The following USH2A variants were observed in gnomAD, a reference collection of about 807,000 sequenced individuals.
USH2A encodes the protein Usher syndrome 2A (autosomal recessive, mild).
In USH2A, 443 loss-of-function variants were observed where a neutral mutation model predicts 538.9. That is an observed-to-expected ratio of 0.82 (90% confidence interval 0.76 to 0.89). The LOEUF (loss-of-function observed/expected upper bound fraction) is 0.89, where lower values mean the gene tolerates loss of function less well. Ranked by LOEUF, USH2A falls within the 40% of genes least tolerant of loss-of-function variation. USH2A has a pLI of 0.00. For missense variants in USH2A, 6,633 were observed against 6,324.8 expected (o/e 1.05, Z -1.65); for synonymous variants, 2,413 against 2,273.5 (o/e 1.06, Z -1.75).
intron 30 of USH2A, among the ~76,000 whole-genome samples, chr1:216,052,323 T>C (rs1027683487): frequency 3.0e-4 from 32 of 106,784 alleles, no homozygotes; most frequent in African/African-American, 1.2e-3. Flanking sequence ...GAAACAATAA[T>C]AAGCCCTGAG....
At chr1:216,163,609 T>C (rs530168193) in intron 21 of USH2A, among the ~76,000 whole-genome samples, 1 of 149,806 alleles carries the variant, frequency 6.7e-6, no homozygotes, top group East Asian at 2.0e-4. Context: ...TTTCAGCAAA[T>C]ATCTAAATAT....
intron 32 of USH2A, among the ~76,000 whole-genome samples, chr1:216,011,545 G>A (rs563676281): frequency 3.2e-4 from 49 of 152,130 alleles, no homozygotes; most frequent in Middle Eastern, 3.4e-3. Context: ...TGGTTAGTGC[G>A]GTCAGAATTC....
At chr1:216,180,317 T>C (rs1457467385) in intron 20 of USH2A, among the ~76,000 whole-genome samples, 1 of 152,088 alleles carries the variant, frequency 6.6e-6, no homozygotes, top group Non-Finnish European at 1.5e-5. Flanking sequence ...AAAATGTCTA[T>C]TTGAATAAAA....
chr1:215,790,674 A>G (rs2102770462), intron 50 of USH2A, among the ~76,000 whole-genome samples: 1 of 152,312 alleles, frequency 6.6e-6, no homozygotes, highest in East Asian at 1.9e-4. Flanking sequence ...TAAGGGAGAA[A>G]AGGTCACCCA....
intron 13 of USH2A, among the ~76,000 whole-genome samples, chr1:216,235,362 G>A (rs1344133347): frequency 6.6e-6 from 1 of 152,066 alleles, no homozygotes; most frequent in East Asian, 1.9e-4. Context: ...TCTTAAGCAT[G>A]GTCATTAGGA....
chr1:216,059,573 T>G (rs116003853), intron 30 of USH2A, among the ~76,000 whole-genome samples: 3,027 of 152,300 alleles, frequency 0.02, 97 homozygotes, highest in African/African-American at 0.07. Context: ...AATTTTTGCT[T>G]TTTTACTTTT....
At chr1:216,045,814 A>C (rs2030490083) in intron 32 of USH2A, among the ~76,000 whole-genome samples, 1 of 152,130 alleles carries the variant, frequency 6.6e-6, no homozygotes, top group African/African-American at 2.4e-5. Flanking sequence ...TCTATAGAAG[A>C]GAACACACAG....
chr1:215,843,472 T>G (rs1663748759), intron 46 of USH2A, among the ~76,000 whole-genome samples: 1 of 152,144 alleles, frequency 6.6e-6, no homozygotes, highest in Admixed American at 6.6e-5. Flanking sequence ...TCCCTATACT[T>G]TTTCTACTTT....
intron 61 of USH2A, among the ~76,000 whole-genome samples, chr1:215,725,417 T>C (rs1407011255): frequency 6.6e-6 from 1 of 152,160 alleles, no homozygotes; most frequent in Non-Finnish European, 1.5e-5. Flanking sequence ...CCTTCAAAGG[T>C]GTCAGATCAT....
intron 37 of USH2A, among the ~76,000 whole-genome samples, chr1:215,945,952 C>A (rs1666748438): frequency 6.6e-6 from 1 of 152,104 alleles, no homozygotes. Context: ...TACTATTTAA[C>A]CCTTTCAATC....
chr1:215,855,100 A>G (rs1036680572), intron 44 of USH2A, among the ~76,000 whole-genome samples: 6 of 152,288 alleles, frequency 3.9e-5, no homozygotes, highest in East Asian at 3.9e-4. Flanking sequence ...TTTAACTCCT[A>G]TATCAATAGT....
At chr1:216,261,036 A>T (rs2102566003) in intron 11 of USH2A, among the ~76,000 whole-genome samples, 1 of 152,304 alleles carries the variant, frequency 6.6e-6, no homozygotes, top group Non-Finnish European at 1.5e-5. Context: ...GAAATGTTTT[A>T]CCATTTCTCT....
chr1:216,034,016 G>C (rs189892687), intron 32 of USH2A, among the ~76,000 whole-genome samples: 11 of 152,304 alleles, frequency 7.2e-5, no homozygotes, highest in African/African-American at 2.6e-4. Flanking sequence ...TCAGTTTTAA[G>C]GAGTTGGAGT....
In USH2A at chr1:215,934,704, A is replaced by C; in HGVS notation, c.7212T>G (p.Pro2404=). The C allele has an allele frequency of 1.2e-6, 2 of 1,612,878 alleles. No homozygotes were observed. Among genetic ancestry groups the C allele is most frequent in the South Asian group, 2.2e-5 (2 of 91,070 alleles). ...NLWVLIDGLV[P]FTNYTVQVNI... ...TCACTTGTACAGTATAGTTGGTAAA[A>C]GGAACCAGCCCATCGATGAGCACCC... Residue 2404 remains proline, a synonymous_variant, in exon 38 of 72, where the codon CCT becomes CCG. Coordinates refer to ENST00000307340, the MANE Select transcript of USH2A (RefSeq NM_206933.4).
intron 54 of USH2A, 53 bp downstream of exon 54, chr1:215,781,989 G>A (rs1661656169): frequency 6.2e-7 from 1 of 1,611,634 alleles, no homozygotes; most frequent in East Asian, 2.2e-5. Flanking sequence ...TGGATGTTCA[G>A]ATAATCTTCA....
chr1:216,013,833 A>T (rs947509664), intron 32 of USH2A, among the ~76,000 whole-genome samples: 2 of 152,164 alleles, frequency 1.3e-5, no homozygotes, highest in Non-Finnish European at 2.9e-5. Flanking sequence ...GCTCACACAA[A>T]GCCTGTTTGG....
rs78869236 is a variant in USH2A at position 215,939,860 on chromosome 1, A to G, written c.7121-5065T>C. 2.0e-5 allele frequency among the ~76,000 whole-genome samples: 3 copies of G among 152,108 alleles called. No individual in the cohort carries two copies. In the East Asian group the frequency reaches 5.8e-4, roughly 29 times the overall value. Reference sequence around the variant, plus strand: ...TCAGTTCTCTCCTTTTTACAGCCTTATTAACTTGTGGGAAAGAGGTGACAT... The same window carrying G: ...TCAGTTCTCTCCTTTTTACAGCCTTGTTAACTTGTGGGAAAGAGGTGACAT... On this transcript the variant is annotated intron_variant, in intron 37 of 71. Transcript: ENST00000307340.
intron 21 of USH2A, among the ~76,000 whole-genome samples, chr1:216,108,626 G>T (rs540358324): frequency 6.6e-6 from 1 of 151,554 alleles, no homozygotes; most frequent in Admixed American, 6.6e-5. Flanking sequence ...ACATGTTATC[G>T]ATCTGTTTAT....
chr1:216,012,493 C>T (rs956995163), intron 32 of USH2A, among the ~76,000 whole-genome samples: 9 of 152,050 alleles, frequency 5.9e-5, no homozygotes, highest in East Asian at 1.9e-4. Flanking sequence ...AGAAGGCCAC[C>T]GCAGTCATTT....
Sources: allele counts gnomAD v4.1 joint callset (sites outside exome capture counted in the v4.1 genomes callset), GRCh38; gene constraint gnomAD v4.1.1; transcripts MANE v1.5; gene names NCBI Gene and HGNC (gene_info 2026-07-23, HGNC 2026-07-21).